The following GRAMD1B variants were observed in gnomAD, a reference collection of about 807,000 sequenced individuals.
GRAMD1B encodes the protein GRAM domain containing 1B.
In GRAMD1B, 37 loss-of-function variants were observed where a neutral mutation model predicts 99.7. The observed-to-expected ratio is 0.37, with a 90% confidence interval of 0.29 to 0.49. The LOEUF (loss-of-function observed/expected upper bound fraction) is 0.49, where lower values mean the gene tolerates loss of function less well. GRAMD1B is among the 20% of genes least tolerant of loss of function. The pLI is 0.98. For synonymous variants in GRAMD1B, 427 were observed against 387.6 expected, an observed-to-expected ratio of 1.10 and a Z score of -1.19; for missense variants, 888 against 1,009.2, an observed-to-expected ratio of 0.88 and a Z score of 1.63.
chr11:123,573,881 T>A (rs1460123910), intron 2 of GRAMD1B, among the ~76,000 whole-genome samples: 2 of 152,112 alleles, frequency 1.3e-5, no homozygotes, highest in Non-Finnish European at 2.9e-5. Context: ...GGGATTCAGT[T>A]CAGCGGAAAA....
chr11:123,549,824 A>C (rs747633952), intron 2 of GRAMD1B, among the ~76,000 whole-genome samples: 1 of 152,174 alleles, frequency 6.6e-6, no homozygotes, highest in Non-Finnish European at 1.5e-5. Flanking sequence ...TTGCATCCCT[A>C]ACCAGGAAAA....
At chr11:123,584,279 A>C (rs532076633) in intron 3 of GRAMD1B, 33 bp from the exon 4 acceptor site, 42 of 928,316 alleles carry the variant, frequency 4.5e-5, no homozygotes, top group Non-Finnish European at 5.4e-5. Flanking sequence ...TTCCCTGACT[A>C]ATTCTACCTT....
At chr11:123,552,214 C>T (rs1308416479) in intron 2 of GRAMD1B, among the ~76,000 whole-genome samples, 3 of 151,378 alleles carry the variant, frequency 2.0e-5, no homozygotes, top group Admixed American at 6.6e-5. Flanking sequence ...TTTTTCTTCC[C>T]TTAGTATATC....
At chr11:123,526,440 G>A (rs894649078) in intron 2 of GRAMD1B, among the ~76,000 whole-genome samples, 2 of 152,162 alleles carry the variant, frequency 1.3e-5, no homozygotes, top group South Asian at 2.1e-4. Context: ...CAGCTAAAAC[G>A]TTCTCCAACT....
chr11:123,607,876 C>T (rs1952963535), intron 11 of GRAMD1B: 1 of 152,530 alleles, frequency 6.6e-6, no homozygotes, highest in Non-Finnish European at 1.5e-5. Flanking sequence ...TTGCATCCTC[C>T]TGTAGCAGCT....
chr11:123,500,841 T>C (rs1190629725), intron 2 of GRAMD1B, among the ~76,000 whole-genome samples: 1 of 151,988 alleles, frequency 6.6e-6, no homozygotes, highest in Admixed American at 6.6e-5. Context: ...TCCTGGCTAA[T>C]TTTTGTATTT....
At chr11:123,522,560 C>T (rs1296823397) in intron 2 of GRAMD1B, among the ~76,000 whole-genome samples, 1 of 152,184 alleles carries the variant, frequency 6.6e-6, no homozygotes, top group East Asian at 1.9e-4. Flanking sequence ...CTCAGGTGAT[C>T]CACCCATCTC....
At chr11:123,618,234 A>T (rs1017177613) in intron 17 of GRAMD1B, 11 of 851,392 alleles carry the variant, frequency 1.3e-5, no homozygotes, top group Admixed American at 1.9e-5. Flanking sequence ...TTTTTTTCTC[A>T]TATACTCTCA....
intron 1 of GRAMD1B, among the ~76,000 whole-genome samples, chr11:123,470,169 T>G (rs1950940122): frequency 6.6e-6 from 1 of 152,322 alleles, no homozygotes; most frequent in Non-Finnish European, 1.5e-5. Context: ...TCAGGACTCC[T>G]GCCCACATGC....
chr11:123,578,415 C>A, intron 3 of GRAMD1B: 2 of 1,532,128 alleles, frequency 1.3e-6, no homozygotes, highest in Non-Finnish European at 1.7e-6. Flanking sequence ...CTTAGTCTCA[C>A]AAGCGCCTCT....
intron 1 of GRAMD1B, among the ~76,000 whole-genome samples, chr11:123,470,467 G>C (rs959059937): frequency 6.6e-6 from 1 of 150,908 alleles, no homozygotes; most frequent in Non-Finnish European, 1.5e-5. Flanking sequence ...TTACAGGCAT[G>C]AGCAACCATG....
chr11:123,610,353 A>T lies in GRAMD1B; in HGVS notation c.1919+15A>T. ...AGCCGACTCAGGTGTGGTGTGTGGAAGTCCCAGTGCGGTCAGACGGGGGTC... is the reference window on the plus strand; with the variant it reads ...AGCCGACTCAGGTGTGGTGTGTGGATGTCCCAGTGCGGTCAGACGGGGGTC... On this transcript the variant is annotated intron_variant, in intron 14 of 19. Coordinates refer to ENST00000635736, the MANE Select transcript of GRAMD1B (RefSeq NM_001387025.1). The surrounding 1 kb of genome is among the most constrained non-coding windows in gnomAD (Gnocchi z 4.1). 1 of 1,613,526 alleles carries T rather than the reference A, an allele frequency of 6.2e-7. No homozygotes were observed. Among genetic ancestry groups the T allele is most frequent in the Non-Finnish European group, 8.5e-7 (1 of 1,179,492 alleles).
chr11:123,588,739 C>T (rs78039540), intron 4 of GRAMD1B, among the ~76,000 whole-genome samples: 1,906 of 152,230 alleles, frequency 0.013, 29 homozygotes, highest in African/African-American at 0.033. Context: ...CAGGGATCTT[C>T]GTGTGTACAT....
intron 2 of GRAMD1B, among the ~76,000 whole-genome samples, chr11:123,486,359 G>A (rs908282174): frequency 1.9e-4 from 29 of 152,132 alleles, no homozygotes; most frequent in South Asian, 2.1e-4. Flanking sequence ...ACCAGCCTGA[G>A]AAACATGGCA....
At chr11:123,414,168 C>T (rs1445663043) in intron 1 of GRAMD1B, among the ~76,000 whole-genome samples, 2 of 152,010 alleles carry the variant, frequency 1.3e-5, no homozygotes, top group African/African-American at 4.8e-5. Context: ...CCTCAGCTTC[C>T]TGAGTAGCTG....
chr11:123,489,897 C>A (rs948652461), intron 2 of GRAMD1B, among the ~76,000 whole-genome samples: 1 of 152,148 alleles, frequency 6.6e-6, no homozygotes, highest in Non-Finnish European at 1.5e-5. Flanking sequence ...GCACTATCGG[C>A]CAAGTGTGAT....
At chr11:123,583,456 G>A (rs775323494) in intron 3 of GRAMD1B, among the ~76,000 whole-genome samples, 3 of 152,080 alleles carry the variant, frequency 2.0e-5, no homozygotes, top group South Asian at 4.2e-4. Context: ...GTATGTGTAT[G>A]AGTATGTGTG....
intron 16 of GRAMD1B, 96 bp downstream of exon 16, chr11:123,613,754 T>G: frequency 1.3e-6 from 1 of 798,940 alleles, no homozygotes; most frequent in South Asian, 1.7e-5. Flanking sequence ...ATTTTGCACC[T>G]TGGCTATAAT....
chr11:123,437,617 C>T (rs923002485), intron 1 of GRAMD1B, among the ~76,000 whole-genome samples: 8 of 152,154 alleles, frequency 5.3e-5, no homozygotes, highest in East Asian at 1.9e-4. Context: ...AGCAGGCTGG[C>T]GGCTAGAGAG....
Sources: allele counts gnomAD v4.1 joint callset (sites outside exome capture counted in the v4.1 genomes callset), GRCh38; gene constraint gnomAD v4.1.1; non-coding constraint Gnocchi (gnomAD v3.1); transcripts MANE v1.5; gene names NCBI Gene and HGNC (gene_info 2026-07-23, HGNC 2026-07-21).